NSUN6: variants seen among roughly 807,000 people sequenced by gnomAD.
NSUN6 encodes the protein tRNA (cytosine(72)-C(5))-methyltransferase NSUN6.
NSUN6 carries 64 observed loss-of-function variants against 58.0 expected under a neutral mutation model. The observed-to-expected ratio is 1.10, with a 90% confidence interval of 0.90 to 1.36. The LOEUF (loss-of-function observed/expected upper bound fraction) is 1.36, where lower values mean the gene tolerates loss of function less well. NSUN6 is among the 40% of genes most tolerant of loss of function. The pLI is 0.00. For synonymous variants in NSUN6, 231 were observed against 193.9 expected, an observed-to-expected ratio of 1.19 and a Z score of -1.59; for missense variants, 701 against 550.1, an observed-to-expected ratio of 1.27 and a Z score of -2.74.
chr10:18,593,343 A>C (rs1215895877), intron 7 of NSUN6, among the ~76,000 whole-genome samples: 1 of 152,216 alleles, frequency 6.6e-6, no homozygotes, highest in East Asian at 1.9e-4. Flanking sequence ...TTGACCCAGC[A>C]ATCCCATTAC....
intron 8 of NSUN6, among the ~76,000 whole-genome samples, chr10:18,567,987 C>T (rs1468457358): frequency 6.6e-6 from 1 of 150,874 alleles, no homozygotes; most frequent in Non-Finnish European, 1.5e-5. Context: ...CATTCCATTC[C>T]ATTCTCCATT....
chr10:18,598,816 C>T (rs2057696099), intron 6 of NSUN6, among the ~76,000 whole-genome samples: 1 of 152,106 alleles, frequency 6.6e-6, no homozygotes, highest in Non-Finnish European at 1.5e-5. Flanking sequence ...AAGATGAAAA[C>T]ACTAATACAC....
At chr10:18,647,828 G>A (rs144687996) in intron 2 of NSUN6, among the ~76,000 whole-genome samples, 1 of 140,104 alleles carries the variant, frequency 7.1e-6, no homozygotes, top group Non-Finnish European at 1.5e-5. Context: ...TCCACCTCCC[G>A]GGTTCAAGGG....
intron 1 of NSUN6, 114 bp from the exon 2 acceptor site, chr10:18,648,759 T>C (rs1208614244): frequency 1.6e-6 from 1 of 616,172 alleles, no homozygotes; most frequent in Non-Finnish European, 2.8e-6. Flanking sequence ...AGCTCCATTC[T>C]ATTTTGCTGT....
At chr10:18,565,134 T>C (rs564478411) in intron 8 of NSUN6, among the ~76,000 whole-genome samples, 1 of 151,518 alleles carries the variant, frequency 6.6e-6, no homozygotes, top group Admixed American at 6.6e-5. Flanking sequence ...TTCTATTCCA[T>C]TCTCCATTGC....
At chr10:18,570,693 A>C (rs1218622320) in intron 8 of NSUN6, among the ~76,000 whole-genome samples, 2 of 94,036 alleles carry the variant, frequency 2.1e-5, no homozygotes, top group African/African-American at 8.2e-5. Flanking sequence ...TTCATGCTCC[A>C]TTCCATTCCA....
intron 3 of NSUN6, 120 bp downstream of exon 3, chr10:18,642,356 T>C: frequency 1.6e-6 from 1 of 612,584 alleles, no homozygotes; most frequent in Non-Finnish European, 3.0e-6. Context: ...TGAATTCCTG[T>C]TATCTATAGA....
chr10:18,646,673 T>C (rs554187252), intron 2 of NSUN6, among the ~76,000 whole-genome samples: 1 of 152,266 alleles, frequency 6.6e-6, no homozygotes, highest in Non-Finnish European at 1.5e-5. Flanking sequence ...TGAAACCCCA[T>C]CTCTACTAAA....
chr10:18,610,291 T>G (rs1429440707), intron 5 of NSUN6, among the ~76,000 whole-genome samples: 1 of 152,050 alleles, frequency 6.6e-6, no homozygotes, highest in African/African-American at 2.4e-5. Context: ...GAGGTTGCAG[T>G]GAGCCAAGAT....
At chr10:18,633,560 G>A (rs1590151014) in intron 3 of NSUN6, among the ~76,000 whole-genome samples, 1 of 152,208 alleles carries the variant, frequency 6.6e-6, no homozygotes. Context: ...TCTCAGCAGG[G>A]TGTGGAGTCT....
At position 18,568,625 on chromosome 10, in the gene NSUN6, CCATT is replaced by C. The variant is rs1462742113; in HGVS notation, c.923-16658_923-16655del. Reference sequence around the variant, plus strand: ...TCAAATCCCCATTGCATTCCATTCTCCATTCCATTCCATTCTCTTTTCCATTCTA... The same window carrying C: ...TCAAATCCCCATTGCATTCCATTCTCCCATTCCATTCTCTTTTCCATTCTA... On this transcript the variant is annotated intron_variant, in intron 8 of 10. Coordinates refer to ENST00000377304, the MANE Select transcript of NSUN6 (RefSeq NM_182543.5). Among the ~76,000 whole-genome samples, 1,514 of 151,510 alleles carry C rather than the reference CCATT, an allele frequency of 1.0e-2. 29 individuals are homozygous for C. Among genetic ancestry groups the C allele is most frequent in the African/African-American group, 0.035 (1,458 of 41,400 alleles).
Position 18,586,045 on chromosome 10 carries a change from T to A in NSUN6, c.826A>T (p.Lys276Ter). Residue 276 changes from lysine to a stop codon, truncating the protein, a stop_gained, in exon 8 of 11, where the codon AAA (lysine) becomes TAA (stop). Transcript: ENST00000377304. LOFTEE classifies it high-confidence loss of function. Reference protein sequence around the residue: ...DKIFNKVEKIKQNALLLGLNS... With the variant: ...DKIFNKVEKI ...AGCCCTAACAATAAGGCATTCTGTT[T>A]GATTTTTTCTACTTTGTTGAAGATT... is the stretch of plus-strand genomic sequence containing the variant. 1 of 1,610,812 alleles carries A rather than the reference T, an allele frequency of 6.2e-7. No homozygotes were observed. Among genetic ancestry groups the A allele is most frequent in the Non-Finnish European group, 8.5e-7 (1 of 1,178,612 alleles).
At chr10:18,652,569 CTTTTTTTTTTTTTTT>C, upstream of NSUN6, 6 of 898,296 alleles carry the variant, frequency 6.7e-6, no homozygotes, top group Non-Finnish European at 7.9e-6. Context: ...TTTCTCTGCT[CTTTTTTTTTTTTTTT>C]TTTTGAGTCT....
In NSUN6 at chr10:18,586,080, G is replaced by A. The variant is rs151313936; in HGVS notation, c.791C>T (p.Ala264Val). Residue 264 changes from alanine to valine, a missense_variant, in exon 8 of 11, where the codon GCA (alanine) becomes GTA (valine). By Grantham distance (64) the Ala-to-Val change is moderately conservative. Transcript: ENST00000377304. ...ALMHDQGEVI[A>V]LDKIFNKVEK... ...TACTTTGTTGAAGATTTTATCCAGT[G>A]CTATAACTTCTCCCTAAAAAGAAAC... 187 of 1,577,880 alleles carry A rather than the reference G, an allele frequency of 1.2e-4. No individual in the cohort carries two copies. The highest frequency in any genetic ancestry group is 1.5e-4 in the Non-Finnish European group (180 of 1,167,260).
At chr10:18,577,914 G>C (rs1013995718) in intron 8 of NSUN6, among the ~76,000 whole-genome samples, 17 of 152,162 alleles carry the variant, frequency 1.1e-4, no homozygotes, top group African/African-American at 3.9e-4. Flanking sequence ...GCCAATAGGG[G>C]AATGACACAG....
intron 3 of NSUN6, among the ~76,000 whole-genome samples, chr10:18,625,460 C>T (rs554454736): frequency 1.3e-5 from 2 of 152,152 alleles, no homozygotes; most frequent in African/African-American, 4.8e-5. Flanking sequence ...CACCTGAAAT[C>T]CCAGCACTTT....
chr10:18,597,394 A>G (rs1324151281), intron 6 of NSUN6, among the ~76,000 whole-genome samples: 1 of 152,200 alleles, frequency 6.6e-6, no homozygotes, highest in African/African-American at 2.4e-5. Flanking sequence ...TGGGATCCTC[A>G]CAATTGTGCC....
At position 18,546,026 on chromosome 10, in the gene NSUN6, A is replaced by G. The variant is rs1564691941; in HGVS notation, c.1317T>C (p.Leu439=). ...ACATGTCTTCTCTTCTGGCCTCTCT[A>G]AGAGAGTCCATGTCAGTGTCCGGTA... ...VPLPDTDMDS[L]REARREDMLR... Residue 439 remains leucine (L), a synonymous_variant, in exon 11 of 11, where the codon CTT becomes CTC. Transcript: ENST00000377304. 1.9e-6 allele frequency: 3 copies of G among 1,593,738 alleles called. No individual in the cohort carries two copies. The highest frequency in any genetic ancestry group is 2.6e-6 in the Non-Finnish European group (3 of 1,171,580).
chr10:18,625,012 G>A (rs981938248), intron 3 of NSUN6, among the ~76,000 whole-genome samples: 1 of 152,172 alleles, frequency 6.6e-6, no homozygotes, highest in African/African-American at 2.4e-5. Context: ...TGGGCACCAA[G>A]CCTCTGATGA....
Sources: gnomAD v4.1 joint callset for allele counts (sites outside exome capture counted in the v4.1 genomes callset) on GRCh38, gnomAD v4.1.1 for gene constraint, MANE v1.5 for transcripts, NCBI Gene and HGNC (gene_info 2026-07-23, HGNC 2026-07-21) for gene names.